RALGPS1: variants seen among roughly 807,000 people sequenced by gnomAD.
The protein encoded by RALGPS1 is Ral GEF with PH domain and SH3 binding motif 1.
A neutral mutation model predicts 78.8 loss-of-function variants in RALGPS1; 19 were observed. The ratio of observed to expected loss-of-function variants is 0.24; its 90% CI spans 0.17 to 0.35. The LOEUF (loss-of-function observed/expected upper bound fraction) is 0.35, where lower values mean the gene tolerates loss of function less well. RALGPS1 is among the 10% of genes least tolerant of loss of function. The pLI, the probability that RALGPS1 is intolerant of heterozygous loss-of-function variation, is 1.00. For synonymous variants in RALGPS1, 228 were observed against 256.3 expected, an observed-to-expected ratio of 0.89 and a Z score of 1.06; for missense variants, 454 against 688.3, an observed-to-expected ratio of 0.66 and a Z score of 3.81.
At chr9:126,923,220 T>A (rs1490592939) in intron 1 of RALGPS1, among the ~76,000 whole-genome samples, 1 of 152,218 alleles carries the variant, frequency 6.6e-6, no homozygotes, top group African/African-American at 2.4e-5. Flanking sequence ...CTTCACACTT[T>A]TTATTCCAGC....
chr9:127,054,347 C>T (rs2048536767), intron 7 of RALGPS1, among the ~76,000 whole-genome samples: 1 of 152,168 alleles, frequency 6.6e-6, no homozygotes, highest in African/African-American at 2.4e-5. Flanking sequence ...GAGGACCCAG[C>T]AGGATGATTT....
chr9:127,047,530 C>G (rs1278730054), intron 5 of RALGPS1, among the ~76,000 whole-genome samples: 1 of 152,042 alleles, frequency 6.6e-6, no homozygotes, highest in East Asian at 1.9e-4. Flanking sequence ...GAAACCCCAT[C>G]TCTACTAAAA....
intron 7 of RALGPS1, among the ~76,000 whole-genome samples, chr9:127,057,174 G>A (rs1589245310): frequency 6.6e-6 from 1 of 152,204 alleles, no homozygotes; most frequent in Non-Finnish European, 1.5e-5. Context: ...CTAATGGCAA[G>A]AACCTGTGAG....
chr9:127,127,473 C>T (rs2056703824), intron 8 of RALGPS1, among the ~76,000 whole-genome samples: 1 of 152,114 alleles, frequency 6.6e-6, no homozygotes, highest in Non-Finnish European at 1.5e-5. Context: ...TGCCATGAGC[C>T]TAGTTGGTTG....
intron 6 of RALGPS1, among the ~76,000 whole-genome samples, chr9:127,050,337 G>T (rs774543442): frequency 6.6e-6 from 1 of 152,162 alleles, no homozygotes; most frequent in African/African-American, 2.4e-5. Flanking sequence ...AGCACCTTGT[G>T]CGCAAATTGG....
chr9:126,928,973 T>G (rs2035559742), intron 1 of RALGPS1, among the ~76,000 whole-genome samples: 1 of 152,166 alleles, frequency 6.6e-6, no homozygotes, highest in African/African-American at 2.4e-5. Context: ...TTTCTCACTT[T>G]CTCTCTAATA....
At chr9:126,934,623 A>C (rs951339295) in intron 1 of RALGPS1, among the ~76,000 whole-genome samples, 1 of 152,114 alleles carries the variant, frequency 6.6e-6, no homozygotes, top group African/African-American at 2.4e-5. Context: ...TCACCACATG[A>C]AGCTCTGGGG....
chr9:127,213,526 G>A (rs991054586), intron 17 of RALGPS1, among the ~76,000 whole-genome samples: 3 of 152,174 alleles, frequency 2.0e-5, no homozygotes, highest in African/African-American at 4.8e-5. Flanking sequence ...AGTTCCTCCC[G>A]GTTCCCACTT....
In RALGPS1 at chr9:127,120,854, T is replaced by G. The variant is rs2055995261; in HGVS notation, c.611-45215T>G. 2.0e-5 allele frequency among the ~76,000 whole-genome samples: 3 copies of G among 151,802 alleles called. No individual in the cohort carries two copies. The South Asian group carries it at 6.2e-4, about 32-fold the overall frequency. ...AAAAAAAAAAAAAAGAATTCGTGTC[T>G]CTGCTCTTCCCTTCCCTCTGTGCCA... On this transcript the variant is annotated intron_variant, in intron 8 of 18. Transcript: ENST00000259351.
intron 4 of RALGPS1, among the ~76,000 whole-genome samples, chr9:126,980,778 C>T (rs1255440571): frequency 2.0e-5 from 3 of 152,244 alleles, no homozygotes; most frequent in Non-Finnish European, 4.4e-5. Flanking sequence ...AGCCCTGACC[C>T]TAGAGCTCAA....
At chr9:127,005,520 C>T (rs1194105420) in intron 4 of RALGPS1, among the ~76,000 whole-genome samples, 6 of 152,152 alleles carry the variant, frequency 3.9e-5, no homozygotes, top group Admixed American at 2.6e-4. Context: ...CCTGCTTTGA[C>T]AGCCTGTGGT....
intron 1 of RALGPS1, among the ~76,000 whole-genome samples, chr9:126,940,307 C>G (rs569068626): frequency 4.6e-5 from 7 of 152,084 alleles, no homozygotes; most frequent in Non-Finnish European, 2.9e-5. Flanking sequence ...CATTATAAAC[C>G]TATGATTGAA....
chr9:127,180,897 CG>C (rs962636537), intron 11 of RALGPS1, among the ~76,000 whole-genome samples: 1 of 152,216 alleles, frequency 6.6e-6, no homozygotes. Context: ...GAGCTACAAG[CG>C]GGGGGCGCAG....
rs543011029 is a variant in RALGPS1, at chr9:127,021,146, G to A, written c.217-13285G>A. Among the ~76,000 whole-genome samples, 20 of 152,120 alleles carry A rather than the reference G, an allele frequency of 1.3e-4. 1 individual carries two copies. The East Asian group carries it at 1.7e-3, about 13-fold the overall frequency. ...CATCTGCCTATAGTTCCAGTTACTC[G>A]GGACGCTTAGGCAGGAGGATTGCTT... On this transcript the variant is annotated intron_variant, in intron 4 of 18. Transcript: ENST00000259351.
intron 1 of RALGPS1, among the ~76,000 whole-genome samples, chr9:126,959,120 T>C (rs913149266): frequency 2.0e-5 from 3 of 151,664 alleles, no homozygotes; most frequent in Non-Finnish European, 2.9e-5. Context: ...TGGAATGTAG[T>C]GTGCAATCTC....
chr9:126,950,826 T>A (rs1480454290), intron 1 of RALGPS1, among the ~76,000 whole-genome samples: 2 of 143,990 alleles, frequency 1.4e-5, no homozygotes, highest in Non-Finnish European at 3.0e-5. Flanking sequence ...AGAGCAGAAC[T>A]GAAGGAAATA....
At chr9:127,182,063 C>T (rs1317514039) in intron 11 of RALGPS1, among the ~76,000 whole-genome samples, 1 of 151,460 alleles carries the variant, frequency 6.6e-6, no homozygotes, top group Admixed American at 6.6e-5. Flanking sequence ...AGGGGCCAGG[C>T]GTGGTGGTTC....
In RALGPS1 at chr9:127,140,800, G is replaced by T. The variant is rs578149866; in HGVS notation, c.611-25269G>T. Among the ~76,000 whole-genome samples, 17 of 152,336 alleles carry T rather than the reference G, an allele frequency of 1.1e-4. No individual in the cohort carries two copies. In the South Asian group the frequency reaches 3.5e-3, roughly 32 times the overall value. ...CACAGAACAGCATGGGGCAGCCATG[G>T]AGTCCACGCTGGAAGAGACTTGGGC... On this transcript the variant is annotated intron_variant, in intron 8 of 18. Transcript: ENST00000259351.
Position 126,918,718 on chromosome 9 carries a change from G to A in RALGPS1, c.-66+3743G>A, listed in dbSNP as rs2034440670. Reference sequence around the variant, plus strand: ...ACAGAGTTTCACTCTTGTTGCCCAGGCTGGAGTGCAATGGCGCGATCTTGG... The same window carrying A: ...ACAGAGTTTCACTCTTGTTGCCCAGACTGGAGTGCAATGGCGCGATCTTGG... On this transcript the variant is annotated intron_variant, in intron 1 of 18. Transcript: ENST00000259351. 2.7e-5 allele frequency among the ~76,000 whole-genome samples: 4 copies of A among 150,494 alleles called. No individual in the cohort carries two copies. In the South Asian group the frequency reaches 8.4e-4, roughly 32 times the overall value.
Sources: allele counts gnomAD v4.1 joint callset (sites outside exome capture counted in the v4.1 genomes callset), GRCh38; gene constraint gnomAD v4.1.1; transcripts MANE v1.5; gene names NCBI Gene and HGNC (gene_info 2026-07-23, HGNC 2026-07-21).